Variants in KCNU1 observed in about 807,000 individuals in gnomAD.
KCNU1 encodes potassium calcium-activated channel subfamily U member 1, also known as potassium channel subfamily U member 1.
A neutral mutation model predicts 126.8 loss-of-function variants in KCNU1; 93 were observed. The ratio of observed to expected loss-of-function variants is 0.73; its 90% CI spans 0.62 to 0.87. KCNU1 has a LOEUF of 0.87. Ranked by LOEUF, KCNU1 falls within the 40% of genes least tolerant of loss-of-function variation. The pLI is 0.00. For synonymous variants in KCNU1, 523 were observed against 494.2 expected (o/e 1.06, Z -0.77); for missense variants, 1,330 against 1,367.1 (o/e 0.97, Z 0.43).
At chr8:36,906,449 G>A (rs1027115193) in intron 20 of KCNU1, among the ~76,000 whole-genome samples, 1 of 152,056 alleles carries the variant, frequency 6.6e-6, no homozygotes, top group Non-Finnish European at 1.5e-5. Flanking sequence ...CTAACCCAGG[G>A]TCTGGCACCT....
At chr8:36,839,013 C>T (rs1454156904) in intron 14 of KCNU1, among the ~76,000 whole-genome samples, 1 of 152,130 alleles carries the variant, frequency 6.6e-6, no homozygotes, top group Non-Finnish European at 1.5e-5. Flanking sequence ...CCCTTACTTT[C>T]CCTGACTGTC....
chr8:36,868,825 T>C (rs1268224299), intron 19 of KCNU1, among the ~76,000 whole-genome samples: 1 of 152,140 alleles, frequency 6.6e-6, no homozygotes, highest in African/African-American at 2.4e-5. Context: ...GATCACATGA[T>C]ATAAGAGAAA....
At chr8:36,843,864 A>G (rs543917500) in intron 16 of KCNU1, among the ~76,000 whole-genome samples, 2 of 152,294 alleles carry the variant, frequency 1.3e-5, no homozygotes, top group Admixed American at 6.5e-5. Context: ...ATCTGACCCC[A>G]TCACTTACTG....
At chr8:36,789,613 A>T (rs1348326292) in intron 2 of KCNU1, among the ~76,000 whole-genome samples, 1 of 152,198 alleles carries the variant, frequency 6.6e-6, no homozygotes, top group African/African-American at 2.4e-5. Flanking sequence ...GTGGGGGTAG[A>T]TACGAAAATT....
intron 14 of KCNU1, among the ~76,000 whole-genome samples, chr8:36,840,076 T>G (rs1157815586): frequency 1.3e-5 from 2 of 152,210 alleles, no homozygotes; most frequent in Non-Finnish European, 2.9e-5. Context: ...TAAAATATTT[T>G]AAACCAATCT....
At chr8:36,884,464 G>A (rs548510760) in intron 19 of KCNU1, among the ~76,000 whole-genome samples, 3 of 152,254 alleles carry the variant, frequency 2.0e-5, no homozygotes, top group East Asian at 1.9e-4. Flanking sequence ...AGCCGGGCGC[G>A]GTGGCTCATG....
intron 19 of KCNU1, among the ~76,000 whole-genome samples, chr8:36,881,796 T>TCACA (rs10522369): frequency 0.06 from 8,266 of 138,832 alleles, 310 homozygotes; most frequent in Middle Eastern, 0.13. Flanking sequence ...AAAAGTCAAA[T>TCACA]CACACACACA....
intron 24 of KCNU1, among the ~76,000 whole-genome samples, chr8:36,923,999 A>C (rs565096030): frequency 3.3e-5 from 5 of 152,224 alleles, no homozygotes; most frequent in Non-Finnish European, 7.3e-5. Context: ...GCTTTAGAGT[A>C]AGGAGCTATT....
chr8:36,932,864 T>A, intron 25 of KCNU1, 56 bp from the exon 26 acceptor site: 1 of 992,556 alleles, frequency 1.0e-6, no homozygotes, highest in East Asian at 2.6e-5. Context: ...AGTGAGTGCT[T>A]ATAATTGCTT....
intron 23 of KCNU1, among the ~76,000 whole-genome samples, chr8:36,920,243 C>T (rs986183483): frequency 2.6e-5 from 4 of 152,128 alleles, no homozygotes; most frequent in African/African-American, 7.2e-5. Flanking sequence ...ATCCATGATG[C>T]TCAAGTCCTT....
rs564194818 is a variant in KCNU1, at chr8:36,900,456, G to A, written c.2010-5252G>A. Among the ~76,000 whole-genome samples the A allele has an allele frequency of 5.9e-5, 9 of 152,200 alleles. No individual in the cohort carries two copies. In the South Asian group the frequency reaches 1.7e-3, roughly 28 times the overall value. On this transcript the variant is annotated intron_variant, in intron 19 of 26. Transcript: ENST00000399881. ...AATCATAATATGGCCATAAAGATTA[G>A]GCTCAGTTTTTAATATTTGACTACA...
intron 23 of KCNU1, among the ~76,000 whole-genome samples, chr8:36,921,286 T>G (rs1808334606): frequency 6.6e-6 from 1 of 152,156 alleles, no homozygotes; most frequent in Non-Finnish European, 1.5e-5. Context: ...GATTGCTCTT[T>G]AGGATAGGAA....
chr8:36,922,288 G>C (rs773206777), intron 23 of KCNU1, among the ~76,000 whole-genome samples: 1 of 151,624 alleles, frequency 6.6e-6, no homozygotes, highest in Non-Finnish European at 1.5e-5. Flanking sequence ...GTACCCAATA[G>C]AACTATGTAC....
intron 10 of KCNU1, among the ~76,000 whole-genome samples, chr8:36,829,776 T>C (rs1023095014): frequency 2.0e-5 from 3 of 151,316 alleles, no homozygotes; most frequent in Non-Finnish European, 4.4e-5. Flanking sequence ...ATTTATTTAG[T>C]TCTCCTTTAG....
intron 22 of KCNU1, 50 bp downstream of exon 22, chr8:36,911,169 GA>G (rs1286025138): frequency 7.0e-7 from 1 of 1,421,856 alleles, no homozygotes; most frequent in South Asian, 1.3e-5. Flanking sequence ...TGGAAAAAAA[GA>G]GATAATTAAC....
At chr8:36,820,169 A>G (rs1316099650) in intron 10 of KCNU1, among the ~76,000 whole-genome samples, 2 of 152,198 alleles carry the variant, frequency 1.3e-5, no homozygotes, top group Non-Finnish European at 2.9e-5. Flanking sequence ...TCAACAATAC[A>G]TGGAACGGAA....
chr8:36,921,426 A>G (rs1237017600), intron 23 of KCNU1, among the ~76,000 whole-genome samples: 1 of 152,054 alleles, frequency 6.6e-6, no homozygotes, highest in African/African-American at 2.4e-5. Flanking sequence ...AAGATTCTAG[A>G]AACAAACTTT....
At position 36,802,600 on chromosome 8, in the gene KCNU1, T is replaced by C. The variant is rs188396693; in HGVS notation, c.316-1427T>C. Among the ~76,000 whole-genome samples the C allele has an allele frequency of 8.2e-4, 124 of 151,866 alleles. 2 individuals carry two copies. The highest frequency in any genetic ancestry group is 3.9e-4 in the Admixed American group (6 of 15,260). ...GGAGGATAATAGTTCCAGCAGAAAATAGGAGGGTGAGAAGTAGTGAGAGAA... is the reference window on the plus strand; with the variant it reads ...GGAGGATAATAGTTCCAGCAGAAAACAGGAGGGTGAGAAGTAGTGAGAGAA... On this transcript the variant is annotated intron_variant, in intron 2 of 26. Transcript: ENST00000399881.
At position 36,823,795 on chromosome 8, in the gene KCNU1, G is replaced by A. The variant is rs78857924; in HGVS notation, c.1106+6035G>A. 3.2e-3 allele frequency among the ~76,000 whole-genome samples: 474 copies of A among 150,230 alleles called. 1 individual carries two copies. The highest frequency in any genetic ancestry group is 5.3e-3 in the Non-Finnish European group (361 of 67,692). On this transcript the variant is annotated intron_variant, in intron 10 of 26. Coordinates refer to ENST00000399881, the MANE Select transcript of KCNU1 (RefSeq NM_001031836.3). ...AAAATATGCCAGAATGTTTATTCAC[G>A]TCTAAAATAGCAAGGAAATAATTAA...
Sources: gnomAD v4.1 joint callset for allele counts (sites outside exome capture counted in the v4.1 genomes callset) on GRCh38, gnomAD v4.1.1 for gene constraint, MANE v1.5 for transcripts, NCBI Gene and HGNC (gene_info 2026-07-23, HGNC 2026-07-21) for gene names.